Variants in SPOCK3 observed in about 807,000 individuals in gnomAD.
SPOCK3 encodes testican-3.
SPOCK3 carries 30 observed loss-of-function variants against 56.6 expected under a neutral mutation model. The observed-to-expected ratio is 0.53, with a 90% CI of 0.40 to 0.72. The LOEUF is 0.72. SPOCK3 is among the 30% of genes least tolerant of loss of function. SPOCK3 has a pLI of 0.00. For missense variants in SPOCK3, 527 were observed against 530.0 expected (o/e 0.99, Z 0.06); for synonymous variants, 196 against 183.3 (o/e 1.07, Z -0.56).
chr4:166,950,054 C>T (rs1036943941), intron 4 of SPOCK3, among the ~76,000 whole-genome samples: 18 of 150,762 alleles, frequency 1.2e-4, no homozygotes, highest in African/African-American at 4.5e-4. Flanking sequence ...CAGCTAACTT[C>T]ATAATGACAG....
chr4:166,785,153 ACTT>A (rs765194699), intron 7 of SPOCK3, among the ~76,000 whole-genome samples: 81 of 152,064 alleles, frequency 5.3e-4, no homozygotes, highest in Non-Finnish European at 7.6e-4. Flanking sequence ...ATTTCCTTCA[ACTT>A]CTTATCGTAA....
chr4:166,855,755 T>C (rs1730576873), intron 6 of SPOCK3, among the ~76,000 whole-genome samples: 1 of 152,152 alleles, frequency 6.6e-6, no homozygotes, highest in Non-Finnish European at 1.5e-5. Context: ...TCTGGACCCC[T>C]GTTTCTTGAG....
chr4:166,750,029 G>A (rs773073547), intron 8 of SPOCK3, among the ~76,000 whole-genome samples: 10 of 152,186 alleles, frequency 6.6e-5, no homozygotes, highest in East Asian at 1.9e-4. Flanking sequence ...ACATTTGATC[G>A]GAATTTTGAT....
At chr4:167,147,541 T>G (rs962046634) in intron 2 of SPOCK3, among the ~76,000 whole-genome samples, 1 of 152,160 alleles carries the variant, frequency 6.6e-6, no homozygotes, top group Non-Finnish European at 1.5e-5. Context: ...TTCGCAATAA[T>G]GAAGACTTGG....
chr4:167,061,845 T>A (rs1755640499), intron 3 of SPOCK3, among the ~76,000 whole-genome samples: 1 of 152,008 alleles, frequency 6.6e-6, no homozygotes, highest in South Asian at 2.1e-4. Flanking sequence ...AAATGTGAAC[T>A]TTAGTAAACA....
chr4:166,930,495 A>G lies in SPOCK3; in HGVS notation c.351-17752T>C, dbSNP rs1189367638. ...TCAGTATTCTACCCTTGTTAAAAAA[A>G]AAAAGACAATGATAGTCACAGTTCA... is the stretch of plus-strand genomic sequence containing the variant. On this transcript the variant is annotated intron_variant, in intron 4 of 10. Coordinates refer to ENST00000357545, the MANE Select transcript of SPOCK3 (RefSeq NM_001040159.2). Among the ~76,000 whole-genome samples, 3 of 152,286 alleles carry G rather than the reference A, an allele frequency of 2.0e-5. No individual in the cohort carries two copies. In the South Asian group the frequency reaches 6.2e-4, roughly 32 times the overall value.
chr4:166,899,248 A>ATCTATCTG (rs1000143383), intron 5 of SPOCK3, among the ~76,000 whole-genome samples: 3 of 97,380 alleles, frequency 3.1e-5, no homozygotes, highest in African/African-American at 1.1e-4. Flanking sequence ...CCTCATATCT[A>ATCTATCTG]TCTATCTATC....
intron 2 of SPOCK3, among the ~76,000 whole-genome samples, chr4:167,151,082 T>C (rs1383337276): frequency 6.6e-6 from 1 of 152,236 alleles, no homozygotes; most frequent in Non-Finnish European, 1.5e-5. Flanking sequence ...GGTTCTCAAA[T>C]TGCGCTGCAA....
intron 3 of SPOCK3, among the ~76,000 whole-genome samples, chr4:167,025,152 T>C (rs1046205726): frequency 1.3e-5 from 2 of 151,854 alleles, no homozygotes; most frequent in African/African-American, 4.8e-5. Context: ...GTTCTATCAT[T>C]TTCTGCTCAT....
chr4:167,000,505 A>C (rs888022978), intron 3 of SPOCK3, 42 bp from the exon 4 acceptor site: 1 of 957,808 alleles, frequency 1.0e-6, no homozygotes, highest in Non-Finnish European at 1.6e-6. Flanking sequence ...AGCTTCTGTA[A>C]AATGGAGGTA....
chr4:167,197,547 AAAGTT>A (rs758564479), intron 2 of SPOCK3, among the ~76,000 whole-genome samples: 11 of 151,086 alleles, frequency 7.3e-5, no homozygotes, highest in Non-Finnish European at 1.6e-4. Flanking sequence ...TAAATGCTCA[AAAGTT>A]AAGTTTCCTT....
At chr4:167,181,442 A>G (rs1210366017) in intron 2 of SPOCK3, among the ~76,000 whole-genome samples, 1 of 152,158 alleles carries the variant, frequency 6.6e-6, no homozygotes, top group Non-Finnish European at 1.5e-5. Context: ...CCTTTGTTCT[A>G]TTCTCCAGAT....
At chr4:167,144,050 T>A (rs903469065) in intron 2 of SPOCK3, among the ~76,000 whole-genome samples, 3 of 152,024 alleles carry the variant, frequency 2.0e-5, no homozygotes, top group African/African-American at 7.2e-5. Context: ...TACAACTGAG[T>A]CAAACGAGTA....
intron 4 of SPOCK3, among the ~76,000 whole-genome samples, chr4:166,979,692 T>G (rs1746365107): frequency 6.6e-6 from 1 of 152,188 alleles, no homozygotes; most frequent in Non-Finnish European, 1.5e-5. Flanking sequence ...TCTTCCTCAA[T>G]GCCTAACTCT....
At chr4:167,015,850 A>G (rs1750574146) in intron 3 of SPOCK3, among the ~76,000 whole-genome samples, 1 of 152,140 alleles carries the variant, frequency 6.6e-6, no homozygotes. Context: ...TCCTGGTGCA[A>G]ATGAAAATTC....
chr4:166,817,131 C>T (rs980749418), intron 6 of SPOCK3, among the ~76,000 whole-genome samples: 6 of 151,950 alleles, frequency 3.9e-5, no homozygotes, highest in Admixed American at 1.3e-4. Flanking sequence ...TGCTGTTTCC[C>T]GAAGGTCTGA....
chr4:167,081,929 T>C (rs1757741685), intron 2 of SPOCK3, among the ~76,000 whole-genome samples: 1 of 152,062 alleles, frequency 6.6e-6, no homozygotes, highest in African/African-American at 2.4e-5. Flanking sequence ...CCAGCCTTCC[T>C]AATGTCAAGC....
chr4:166,902,125 C>T (rs1179244778), intron 5 of SPOCK3, among the ~76,000 whole-genome samples: 2 of 152,118 alleles, frequency 1.3e-5, no homozygotes, highest in Non-Finnish European at 2.9e-5. Flanking sequence ...GTATTTTCTT[C>T]TGAAATACTG....
intron 6 of SPOCK3, among the ~76,000 whole-genome samples, chr4:166,861,759 T>C (rs1041722682): frequency 2.6e-5 from 4 of 152,160 alleles, no homozygotes; most frequent in Non-Finnish European, 4.4e-5. Context: ...TTGGACATTT[T>C]AACTGCAATC....
Sources: gnomAD v4.1 joint callset for allele counts (sites outside exome capture counted in the v4.1 genomes callset) on GRCh38, gnomAD v4.1.1 for gene constraint, MANE v1.5 for transcripts, NCBI Gene and HGNC (gene_info 2026-07-23, HGNC 2026-07-21) for gene names.